Variants in LRCH1 observed in about 807,000 individuals in gnomAD.
LRCH1 encodes the protein leucine-rich repeat and calponin homology domain-containing protein 1.
LRCH1 carries 23 observed loss-of-function variants against 94.9 expected under a neutral mutation model. The ratio of observed to expected loss-of-function variants is 0.24; its 90% CI spans 0.17 to 0.34. LRCH1 has a LOEUF of 0.34. Ranked by LOEUF, LRCH1 falls within the 10% of genes least tolerant of loss-of-function variation. The probability of loss-of-function intolerance (pLI) is 1.00; values close to 1 mark genes in which losing one functional copy is unlikely to be tolerated. For missense variants in LRCH1, 790 were observed against 945.9 expected, an observed-to-expected ratio of 0.84 and a Z score of 2.16; for synonymous variants, 364 against 354.9, an observed-to-expected ratio of 1.03 and a Z score of -0.29.
chr13:46,664,188 A>G (rs2051485174), intron 2 of LRCH1, among the ~76,000 whole-genome samples: 1 of 152,236 alleles, frequency 6.6e-6, no homozygotes, highest in Non-Finnish European at 1.5e-5. Flanking sequence ...ACATTAAACC[A>G]TATTTTAAAG....
chr13:46,727,373 C>T (rs1380707627), intron 17 of LRCH1, among the ~76,000 whole-genome samples: 1 of 152,206 alleles, frequency 6.6e-6, no homozygotes, highest in Non-Finnish European at 1.5e-5. Context: ...TCAGTGGACA[C>T]AGAGCCTCGG....
intron 1 of LRCH1, among the ~76,000 whole-genome samples, chr13:46,648,465 C>G (rs937246968): frequency 6.6e-6 from 1 of 152,218 alleles, no homozygotes; most frequent in African/African-American, 2.4e-5. Flanking sequence ...CTATCCACCA[C>G]ACTGCTCTAT....
intron 3 of LRCH1, chr13:46,679,776 C>T (rs1277508117): frequency 1.3e-5 from 2 of 152,310 alleles, no homozygotes; most frequent in Admixed American, 1.3e-4. Context: ...ACTGTGCACA[C>T]TCAGCCTTTA....
intron 5 of LRCH1, 135 bp from the exon 6 acceptor site, chr13:46,687,717 C>T (rs985649831): frequency 2.4e-5 from 14 of 586,884 alleles, no homozygotes; most frequent in South Asian, 6.5e-5. Flanking sequence ...TTGGAAAGGA[C>T]GGATTTAGTG....
chr13:46,576,433 G>A (rs959493015), intron 1 of LRCH1, among the ~76,000 whole-genome samples: 5 of 152,196 alleles, frequency 3.3e-5, no homozygotes, highest in African/African-American at 1.2e-4. Context: ...GTCAGTTGCT[G>A]CTGAACTCAG....
intron 18 of LRCH1, among the ~76,000 whole-genome samples, chr13:46,729,556 A>T (rs1298100122): frequency 6.6e-6 from 1 of 150,788 alleles, no homozygotes; most frequent in Non-Finnish European, 1.5e-5. Flanking sequence ...GTCTCAAAAA[A>T]AAAAAAAAAA....
chr13:46,724,024 T>C (rs1410244396), intron 17 of LRCH1, among the ~76,000 whole-genome samples: 5 of 152,190 alleles, frequency 3.3e-5, no homozygotes, highest in Non-Finnish European at 7.3e-5. Flanking sequence ...AGTCTCACTC[T>C]GTCACCCAGG....
chr13:46,628,724 G>A (rs2050982122), intron 1 of LRCH1, among the ~76,000 whole-genome samples: 1 of 151,710 alleles, frequency 6.6e-6, no homozygotes, highest in South Asian at 2.1e-4. Context: ...CGGTTAGAGT[G>A]GACCCTGGTG....
At chr13:46,751,612 G>A (rs562683200) in exon 19 of LRCH1, 7 of 152,224 alleles carry the variant, frequency 4.6e-5, no homozygotes, top group African/African-American at 1.4e-4. Flanking sequence ...AAACATTCAC[G>A]TTTTAACACA....
intron 3 of LRCH1, 26 bp downstream of exon 3, chr13:46,669,182 C>CT: frequency 3.1e-6 from 5 of 1,610,624 alleles, no homozygotes; most frequent in Non-Finnish European, 4.2e-6. Context: ...TTAAGATGCT[C>CT]TTTTTTGTTG....
chr13:46,613,283 G>A (rs372499701), intron 1 of LRCH1, among the ~76,000 whole-genome samples: 35 of 151,952 alleles, frequency 2.3e-4, no homozygotes, highest in African/African-American at 3.1e-4. Context: ...CCAGCTGCTC[G>A]GGAGGCTGAG....
At chr13:46,591,894 C>T (rs988631787) in intron 1 of LRCH1, among the ~76,000 whole-genome samples, 3 of 152,206 alleles carry the variant, frequency 2.0e-5, no homozygotes, top group Non-Finnish European at 2.9e-5. Flanking sequence ...CGATTTGCAA[C>T]CTAAGTATTA....
At position 46,677,212 on chromosome 13, in the gene LRCH1, C is replaced by A. The variant is rs919319907; in HGVS notation, c.580-4529C>A. On this transcript the variant is annotated intron_variant, in intron 3 of 19. Coordinates refer to ENST00000389797, the MANE Select transcript of LRCH1 (RefSeq NM_001164211.2). ...ATCACCTGAGGTCAGGAGTTCGAGA[C>A]CAGCCTGGCCAACATGGTGAAACCT... is the stretch of plus-strand genomic sequence containing the variant. 2.1e-5 allele frequency among the ~76,000 whole-genome samples: 3 copies of A among 146,160 alleles called. No individual in the cohort carries two copies. The East Asian group carries it at 6.0e-4, about 29-fold the overall frequency.
At chr13:46,664,815 T>A (rs9534459) in intron 2 of LRCH1, among the ~76,000 whole-genome samples, 96,893 of 151,908 alleles carry the variant, frequency 0.64, 31,370 homozygotes, top group Middle Eastern at 0.72. Flanking sequence ...CTCTGTTTTA[T>A]AGCTGAGAAA....
At chr13:46,635,403 G>A (rs2051072010) in intron 1 of LRCH1, among the ~76,000 whole-genome samples, 1 of 151,918 alleles carries the variant, frequency 6.6e-6, no homozygotes, top group Admixed American at 6.5e-5. Context: ...CCTTGCTGTG[G>A]AGGAATTGTT....
intron 1 of LRCH1, among the ~76,000 whole-genome samples, chr13:46,601,830 G>C (rs575980174): frequency 1.3e-5 from 2 of 152,168 alleles, no homozygotes; most frequent in South Asian, 4.1e-4. Flanking sequence ...GGCTGGGCTT[G>C]TATCATAGTA....
intron 2 of LRCH1, among the ~76,000 whole-genome samples, chr13:46,662,467 C>T (rs1220779371): frequency 6.6e-6 from 1 of 152,100 alleles, no homozygotes; most frequent in Non-Finnish European, 1.5e-5. Context: ...CTTTGAACAT[C>T]CACAGTTCAC....
chr13:46,615,903 G>C (rs886314813), intron 1 of LRCH1, among the ~76,000 whole-genome samples: 2 of 152,184 alleles, frequency 1.3e-5, no homozygotes, highest in East Asian at 1.9e-4. Context: ...ACCAGATGTC[G>C]TGTAGGCCCT....
intron 1 of LRCH1, among the ~76,000 whole-genome samples, chr13:46,592,968 C>T (rs1355486479): frequency 6.6e-6 from 1 of 152,022 alleles, no homozygotes; most frequent in African/African-American, 2.4e-5. Context: ...TATGTCCCTT[C>T]CCTCTACAGT....
Sources: gnomAD v4.1 joint callset for allele counts (sites outside exome capture counted in the v4.1 genomes callset) on GRCh38, gnomAD v4.1.1 for gene constraint, MANE v1.5 for transcripts, NCBI Gene and HGNC (gene_info 2026-07-23, HGNC 2026-07-21) for gene names.